Variants in PCNT observed in about 807,000 individuals in gnomAD.
The protein encoded by PCNT is kendrin.
In PCNT, 319 loss-of-function variants were observed where a neutral mutation model predicts 380.4. That is an observed-to-expected ratio of 0.84 (90% CI 0.77 to 0.92). The LOEUF is 0.92. PCNT is among the 40% of genes least tolerant of loss of function. The probability of loss-of-function intolerance (pLI) is 0.00; values close to 1 mark genes in which losing one functional copy is unlikely to be tolerated. For missense variants in PCNT, 4,400 were observed against 4,255.3 expected (o/e 1.03, Z -0.95); for synonymous variants, 1,845 against 1,735.2 (o/e 1.06, Z -1.57).
At chr21:46,413,620 G>A (rs373970745) in intron 29 of PCNT, among the ~76,000 whole-genome samples, 7 of 152,192 alleles carry the variant, frequency 4.6e-5, no homozygotes, top group African/African-American at 9.7e-5. Flanking sequence ...AACTGTGCTC[G>A]AGGGTTAGTC....
chr21:46,365,370 C>T (rs1217690457), intron 14 of PCNT, among the ~76,000 whole-genome samples: 1 of 146,932 alleles, frequency 6.8e-6, no homozygotes, highest in African/African-American at 2.5e-5. Context: ...GGGTTCTGAT[C>T]ACTGCCGTGG....
At chr21:46,332,365 GT>G (rs929556465) in intron 2 of PCNT, among the ~76,000 whole-genome samples, 4 of 152,270 alleles carry the variant, frequency 2.6e-5, no homozygotes, top group Admixed American at 2.6e-4. Flanking sequence ...CCGTTTTACT[GT>G]TTTGTCATTT....
intron 37 of PCNT, chr21:46,430,895 C>T (rs549655294): frequency 6.1e-6 from 6 of 984,194 alleles, no homozygotes; most frequent in Non-Finnish European, 7.2e-6. Flanking sequence ...TGCTCGGAGC[C>T]CCCCCCCGTC....
In PCNT at chr21:46,425,976, A is replaced by C; in HGVS notation, c.7320+5A>C. The C allele has an allele frequency of 6.3e-7, 1 of 1,599,282 alleles. No individual in the cohort carries two copies. Among genetic ancestry groups the C allele is most frequent in the Non-Finnish European group, 8.5e-7 (1 of 1,172,900 alleles). ...CTCCATGGGGGAAAGACGCAGGTTT[A>C]TTTTGCCCTTCACACACTTCTTTTC... On this transcript the variant is annotated splice_donor_5th_base_variant and intron_variant, in intron 33 of 46. Coordinates refer to ENST00000359568, the MANE Select transcript of PCNT (RefSeq NM_006031.6). This position sits in a 1 kb window ranked among gnomAD's most constrained non-coding sequence, Gnocchi z 4.2.
chr21:46,346,705 A>G, intron 4 of PCNT, 38 bp from the exon 5 acceptor site: 2 of 1,578,192 alleles, frequency 1.3e-6, no homozygotes, highest in Non-Finnish European at 1.7e-6. Flanking sequence ...CCTGGTTCTG[A>G]CCATGGGCCC....
chr21:46,357,997 G>A (rs1336925019), intron 13 of PCNT, among the ~76,000 whole-genome samples: 1 of 152,258 alleles, frequency 6.6e-6, no homozygotes, highest in Non-Finnish European at 1.5e-5. Flanking sequence ...CACATGGCCC[G>A]ATGGGCTTGG....
chr21:46,437,478 G>T (rs1360929523), intron 40 of PCNT, among the ~76,000 whole-genome samples: 1 of 152,204 alleles, frequency 6.6e-6, no homozygotes, highest in African/African-American at 2.4e-5. Context: ...TCTGGTGCTG[G>T]CGGCCGATGT....
At chr21:46,443,675 C>T in intron 44 of PCNT, 135 bp from the exon 45 acceptor site, 1 of 846,478 alleles carries the variant, frequency 1.2e-6, no homozygotes, top group Non-Finnish European at 2.0e-6. Context: ...GTACCTTGAG[C>T]ACTTTAAAAA....
At chr21:46,356,877 G>C in intron 12 of PCNT, 97 bp from the exon 13 acceptor site, 1 of 980,468 alleles carries the variant, frequency 1.0e-6, no homozygotes, top group Admixed American at 1.8e-5. Context: ...TCTGCTGTCA[G>C]AAGCATTTAT....
At chr21:46,393,663 C>T (rs948689891) in intron 21 of PCNT, among the ~76,000 whole-genome samples, 7 of 152,184 alleles carry the variant, frequency 4.6e-5, no homozygotes, top group African/African-American at 1.7e-4. Flanking sequence ...TTGAACGGCC[C>T]GGTGAGGCCG....
At chr21:46,399,114 G>C (rs57936960) in intron 24 of PCNT, among the ~76,000 whole-genome samples, 1 of 152,214 alleles carries the variant, frequency 6.6e-6, no homozygotes, top group African/African-American at 2.4e-5. Flanking sequence ...CCACCGCGCC[G>C]GCTGTAGTAT....
chr21:46,381,840 G>A lies in PCNT; in HGVS notation c.3312G>A (p.Gln1104=). 2 of 1,614,180 alleles carry A rather than the reference G, an allele frequency of 1.2e-6. No homozygotes were observed. Among genetic ancestry groups the A allele is most frequent in the East Asian group, 4.5e-5 (2 of 44,888 alleles). ...AAAAGAAGAATCACCAAGTCCAGCA[G>A]GTGTGTGGAATACGCTGTTCCCTTG... ...QLQKKNHQVQ[Q]LKDQVLSLSH... is the part of the protein sequence containing the mutation. The change falls in exon 16 of 47, where the codon CAG becomes CAA. Residue 1104 remains glutamine (Q), a splice_region_variant and synonymous_variant. Coordinates refer to ENST00000359568, the MANE Select transcript of PCNT (RefSeq NM_006031.6).
chr21:46,387,022 C>CCTG (rs2085862222), intron 17 of PCNT, among the ~76,000 whole-genome samples: 2 of 152,236 alleles, frequency 1.3e-5, no homozygotes, highest in Admixed American at 1.3e-4. Flanking sequence ...GCCTCTGAGT[C>CCTG]CTGCTGCTGC....
intron 46 of PCNT, 99 bp from the exon 47 acceptor site, chr21:46,445,185 C>T: frequency 1.2e-6 from 1 of 856,002 alleles, no homozygotes; most frequent in Admixed American, 1.7e-5. Context: ...CCAAAATTTA[C>T]ATGAATTCAG....
At position 46,385,904 on chromosome 21, in the gene PCNT, A is replaced by T. The variant is rs2085814150; in HGVS notation, c.3385A>T (p.Arg1129Trp). ...CTCCGAGTTGGAGGTGCTGCAGCAG[A>T]GGCGGGAGCGGGAGAACCGGGAAGG... ...CRSELEVLQQ[R>W]RERENREGAN... Residue 1129 changes from arginine to tryptophan, a missense_variant, in exon 17 of 47, where the codon AGG becomes TGG. Coordinates refer to ENST00000359568, the MANE Select transcript of PCNT (RefSeq NM_006031.6). 2 of 1,614,092 alleles carry T rather than the reference A, an allele frequency of 1.2e-6. No homozygotes were observed. The highest frequency in any genetic ancestry group is 3.3e-5 in the Admixed American group (2 of 60,006).
intron 21 of PCNT, among the ~76,000 whole-genome samples, chr21:46,392,664 C>A (rs1393425540): frequency 6.6e-6 from 1 of 152,216 alleles, no homozygotes; most frequent in African/African-American, 2.4e-5. Context: ...ACATCTGGGT[C>A]CCACAAGCTT....
At chr21:46,407,766 CTT>C (rs2086662509) in intron 27 of PCNT, among the ~76,000 whole-genome samples, 1 of 152,130 alleles carries the variant, frequency 6.6e-6, no homozygotes, top group African/African-American at 2.4e-5. Context: ...CGTGTTTTCT[CTT>C]TTATTCTTGA....
At chr21:46,355,724 G>A in intron 12 of PCNT, 98 bp downstream of exon 12, 1 of 1,223,574 alleles carries the variant, frequency 8.2e-7, no homozygotes, top group East Asian at 2.5e-5. Context: ...AGTCCTCCGT[G>A]AAGCAGCTGA....
At chr21:46,349,338 C>T (rs1012332205) in intron 7 of PCNT, 152 bp downstream of exon 7, 102 of 759,978 alleles carry the variant, frequency 1.3e-4, no homozygotes, top group Admixed American at 2.7e-4. Context: ...CGCTGGTGGC[C>T]GTCATGGGTC....
Sources: gnomAD v4.1 joint callset for allele counts (sites outside exome capture counted in the v4.1 genomes callset) on GRCh38, gnomAD v4.1.1 for gene constraint, Gnocchi (gnomAD v3.1) non-coding constraint, MANE v1.5 for transcripts, NCBI Gene and HGNC (gene_info 2026-07-23, HGNC 2026-07-21) for gene names.